Variants in PSD3 observed in about 807,000 individuals in gnomAD.
The protein encoded by PSD3 is PH and SEC7 domain-containing protein 3.
Under a neutral mutation model 105.5 loss-of-function variants are expected in PSD3, and 49 were observed. The observed-to-expected ratio is 0.46, with a 90% CI of 0.37 to 0.59. The LOEUF is 0.59. Among genes scored for constraint, PSD3 ranks in the 20% least tolerant of loss-of-function variants. The pLI, the probability that PSD3 is intolerant of heterozygous loss-of-function variation, is 0.00. For synonymous variants in PSD3, 557 were observed against 457.8 expected, an observed-to-expected ratio of 1.22 and a Z score of -2.77; for missense variants, 1,561 against 1,263.8, an observed-to-expected ratio of 1.24 and a Z score of -3.57.
At chr8:19,041,951 T>A (rs555801560) in intron 1 of PSD3, among the ~76,000 whole-genome samples, 72 of 149,164 alleles carry the variant, frequency 4.8e-4, no homozygotes, top group Admixed American at 1.1e-3. Flanking sequence ...CTGCATTTTT[T>A]AAAAAATTCT....
rs771888000 is a variant in PSD3 at position 18,868,017 on chromosome 8, G to A, written c.1291C>T (p.Pro431Ser). The change falls in exon 4 of 16, where the codon CCT becomes TCT. Residue 431 changes from proline to serine, a missense_variant. Transcript: ENST00000327040. ...VKGEDEDILG[P>S]GYTEDSTDVY... is the part of the protein sequence containing the mutation. ...TCGGTGGAGTCCTCCGTATATCCAG[G>A]CCCAAGGATGTCTTCATCTTCCCCC... 3.7e-6 allele frequency: 6 copies of A among 1,613,636 alleles called. No homozygotes were observed. Among genetic ancestry groups the A allele is most frequent in the South Asian group, 1.1e-5 (1 of 90,974 alleles).
Position 18,535,448 on chromosome 8 carries a change from G to A in PSD3, c.*295C>T. ...AATACATAAAACAACTGAGCAGACT[G>A]CAAACAAGAGAAAACCAAAAGAGAA... On this transcript the variant is annotated 3_prime_UTR_variant, in exon 16 of 16. Transcript: ENST00000327040. The A allele has an allele frequency of 2.6e-6, 1 of 384,770 alleles. No homozygotes were observed. The highest frequency in any genetic ancestry group is 3.7e-5 in the South Asian group (1 of 26,786). 23.8% of individuals were successfully genotyped at this position (384,770 alleles called of 1,614,324 possible).
At chr8:18,650,694 G>T in intron 10 of PSD3, among the ~76,000 whole-genome samples, 1 of 152,346 alleles carries the variant, frequency 6.6e-6, no homozygotes, top group Middle Eastern at 3.4e-3. Flanking sequence ...GCTGGATAGA[G>T]ATTGCAGAAT....
chr8:18,817,985 ACT>A (rs1330078620), intron 4 of PSD3, among the ~76,000 whole-genome samples: 2 of 152,034 alleles, frequency 1.3e-5, no homozygotes, highest in African/African-American at 2.4e-5. Context: ...ACGGAGTCTC[ACT>A]CTGTCGCCCA....
intron 9 of PSD3, among the ~76,000 whole-genome samples, chr8:18,762,637 A>C (rs1337257057): frequency 6.6e-6 from 1 of 152,218 alleles, no homozygotes; most frequent in East Asian, 1.9e-4. Context: ...AAAAATGTCA[A>C]ATATCGGTTT....
At chr8:18,977,445 C>G (rs1825004353) in intron 1 of PSD3, among the ~76,000 whole-genome samples, 1 of 151,974 alleles carries the variant, frequency 6.6e-6, no homozygotes, top group Admixed American at 6.6e-5. Flanking sequence ...TAAAACAGTC[C>G]CCCTGGCATA....
intron 4 of PSD3, among the ~76,000 whole-genome samples, chr8:18,808,315 A>G (rs1254526941): frequency 6.6e-6 from 1 of 152,232 alleles, no homozygotes; most frequent in Non-Finnish European, 1.5e-5. Flanking sequence ...GGGAAAATTC[A>G]TGGCATTTAT....
At chr8:18,595,697 C>T (rs564213913) in intron 12 of PSD3, among the ~76,000 whole-genome samples, 5 of 152,042 alleles carry the variant, frequency 3.3e-5, no homozygotes, top group African/African-American at 7.2e-5. Flanking sequence ...AATAATGAGT[C>T]AATTCACCAC....
At chr8:18,877,539 CTTT>C (rs61667418) in intron 2 of PSD3, among the ~76,000 whole-genome samples, 1 of 138,128 alleles carries the variant, frequency 7.2e-6, no homozygotes, top group African/African-American at 2.8e-5. Flanking sequence ...AGATGCCTAT[CTTT>C]TTTTTTTTTT....
Position 18,780,854 on chromosome 8 carries a change from C to A in PSD3, c.2083-15316G>T, listed in dbSNP as rs335235. 4.8e-3 allele frequency among the ~76,000 whole-genome samples: 727 copies of A among 152,262 alleles called. 9 individuals are homozygous for A. Among genetic ancestry groups the A allele is most frequent in the African/African-American group, 0.017 (703 of 41,532 alleles). On this transcript the variant is annotated intron_variant, in intron 8 of 15. Coordinates refer to ENST00000327040, the MANE Select transcript of PSD3 (RefSeq NM_015310.4). The stretch of plus-strand genomic sequence containing the variant: ...CAGGCGTGAGCCACCGCGCCTGGCC[C>A]AGAGTTTTATACTTTTATGTGTTTT...
chr8:18,886,349 C>T (rs1183486225), intron 2 of PSD3, among the ~76,000 whole-genome samples: 4 of 152,214 alleles, frequency 2.6e-5, no homozygotes, highest in Admixed American at 6.5e-5. Context: ...AGAGGGCAGC[C>T]GGCATCTCTC....
chr8:18,738,829 A>C (rs4367593), intron 9 of PSD3, among the ~76,000 whole-genome samples: 116,436 of 151,892 alleles, frequency 0.77, 46,566 homozygotes, highest in Non-Finnish European at 0.89. Flanking sequence ...CTCCGAAAAA[A>C]AAAAACAAAA....
At chr8:18,620,395 A>G (rs989549750) in intron 11 of PSD3, among the ~76,000 whole-genome samples, 9 of 148,716 alleles carry the variant, frequency 6.1e-5, no homozygotes, top group Non-Finnish European at 1.0e-4. Context: ...GGCTCAGAAT[A>G]AACCTCTTTA....
rs113352859 is a variant in PSD3 at position 18,904,155 on chromosome 8, A to G, written c.131-31422T>C. Among the ~76,000 whole-genome samples, 1,184 of 152,290 alleles carry G rather than the reference A, an allele frequency of 7.8e-3. 15 individuals are homozygous for G. The highest frequency in any genetic ancestry group is 0.027 in the African/African-American group (1,133 of 41,548). On this transcript the variant is annotated intron_variant, in intron 2 of 15. Coordinates refer to ENST00000327040, the MANE Select transcript of PSD3 (RefSeq NM_015310.4). ...GGTACATGGCAAAGGGATAGCAGGC[A>G]TGTCACAAGGTGAGAGAGGGAACAA...
chr8:18,793,813 A>G (rs1258909676), intron 8 of PSD3, among the ~76,000 whole-genome samples: 4 of 152,216 alleles, frequency 2.6e-5, no homozygotes, highest in Non-Finnish European at 5.9e-5. Context: ...AAATGTACTT[A>G]ACAGCTGCCA....
intron 1 of PSD3, among the ~76,000 whole-genome samples, chr8:18,955,296 A>G (rs887458891): frequency 1.3e-5 from 2 of 152,184 alleles, no homozygotes; most frequent in African/African-American, 2.4e-5. Context: ...GCTGGAATGC[A>G]GTGGCACGAT....
At position 18,555,256 on chromosome 8, in the gene PSD3, G is replaced by A. The variant is rs550906886; in HGVS notation, c.2928+953C>T. Among the ~76,000 whole-genome samples, 7 of 152,180 alleles carry A rather than the reference G, an allele frequency of 4.6e-5. 1 individual carries two copies. The highest frequency in any genetic ancestry group is 3.9e-4 in the East Asian group (2 of 5,160). On this transcript the variant is annotated intron_variant, in intron 15 of 15. Transcript: ENST00000327040. The stretch of plus-strand genomic sequence containing the variant: ...TACAAGGAAGGGACAGGTGTGAGAC[G>A]CCACAGACACTGATCGCTAGGATGT...
At chr8:18,798,754 T>C (rs532495934) in intron 8 of PSD3, among the ~76,000 whole-genome samples, 2 of 152,280 alleles carry the variant, frequency 1.3e-5, no homozygotes, top group East Asian at 1.9e-4. Context: ...ATTCTACTTC[T>C]ACAAAACTTG....
chr8:18,620,340 G>C (rs923209740), intron 11 of PSD3, among the ~76,000 whole-genome samples: 2 of 106,162 alleles, frequency 1.9e-5, no homozygotes, highest in African/African-American at 4.0e-5. Context: ...TCTTGGGTTT[G>C]TGTTTTTTTT....
Sources: gnomAD v4.1 joint callset for allele counts (sites outside exome capture counted in the v4.1 genomes callset) on GRCh38, gnomAD v4.1.1 for gene constraint, MANE v1.5 for transcripts, NCBI Gene and HGNC (gene_info 2026-07-23, HGNC 2026-07-21) for gene names.